Variants in ZNF749 observed in about 807,000 individuals in gnomAD.
ZNF749 encodes the protein zinc finger protein 749.
A neutral mutation model predicts 7.3 loss-of-function variants in ZNF749; 8 were observed. The ratio of observed to expected loss-of-function variants is 1.10; its 90% CI spans 0.64 to 1.98. The LOEUF (loss-of-function observed/expected upper bound fraction) is 1.98. Among genes scored for constraint, ZNF749 ranks in the 30% most tolerant of loss-of-function variants. ZNF749 has a pLI of 0.00. For missense variants in ZNF749, 898 were observed against 932.4 expected, an observed-to-expected ratio of 0.96 and a Z score of 0.48; for synonymous variants, 310 against 322.4, an observed-to-expected ratio of 0.96 and a Z score of 0.41.
chr19:57,437,054 AATAAG>A (rs940481479), intron 1 of ZNF749, among the ~76,000 whole-genome samples: 10 of 152,322 alleles, frequency 6.6e-5, no homozygotes, highest in South Asian at 6.2e-4. Context: ...CTTATGTTAA[AATAAG>A]ATAAGTTTTT....
upstream of ZNF749, among the ~76,000 whole-genome samples, chr19:57,432,433 G>A (rs962781948): frequency 6.6e-6 from 1 of 151,380 alleles, no homozygotes; most frequent in Non-Finnish European, 1.5e-5. Context: ...GTGGTGGCAC[G>A]AGCCTGTAGT....
rs1416170250 is a variant in ZNF749, at chr19:57,447,017, AT to A, written c.*1534del. On this transcript the variant is annotated 3_prime_UTR_variant, in exon 3 of 3. Transcript: ENST00000334181. ...AAGCTCTAGGACATTACTGTACCCT[AT>A]TGTAGATGTTATAAACATTGTACAC... 6.6e-6 allele frequency among the ~76,000 whole-genome samples: 1 copy of A among 152,198 alleles called. No homozygotes were observed. The highest frequency in any genetic ancestry group is 1.5e-5 in the Non-Finnish European group (1 of 68,036).
chr19:57,435,392 G>A lies in ZNF749; in HGVS notation c.-187G>A. On this transcript the variant is annotated 5_prime_UTR_variant, in exon 1 of 3. Coordinates refer to ENST00000334181, the MANE Select transcript of ZNF749 (RefSeq NM_001023561.4). ...AGGGATCTGTTCACTGATTTAGAGG[G>A]TCCCAGAGCTCTGGGTCGGGACTGA... 2.4e-6 allele frequency: 2 copies of A among 824,348 alleles called. No individual in the cohort carries two copies. The highest frequency in any genetic ancestry group is 3.2e-5 in the South Asian group (2 of 62,444). 51.1% of individuals were successfully genotyped at this position (824,348 alleles called of 1,614,324 possible).
At chr19:57,441,694 G>C (rs578061043) in intron 1 of ZNF749, among the ~76,000 whole-genome samples, 191 bp from the exon 2 acceptor site, 1 of 152,300 alleles carries the variant, frequency 6.6e-6, no homozygotes, top group South Asian at 2.1e-4. Context: ...TGTTGATTAG[G>C]ACAGGAGAAA....
intron 1 of ZNF749, chr19:57,438,512 G>A (rs113270230): frequency 0.023 from 3,622 of 160,774 alleles, 53 homozygotes; most frequent in African/African-American, 0.049. Context: ...ATTCAGTCTC[G>A]TAATGATGGT....
At chr19:57,432,594 G>GT (rs1358966634), upstream of ZNF749, among the ~76,000 whole-genome samples, 98 of 142,816 alleles carry the variant, frequency 6.9e-4, 1 homozygote, top group African/African-American at 2.2e-3. Flanking sequence ...AGGTGGGGGG[G>GT]ACTAAACAGA....
At chr19:57,429,984 C>T in the ZNF749 span, among the ~76,000 whole-genome samples, 3 of 152,074 alleles carry the variant, frequency 2.0e-5, no homozygotes, top group Non-Finnish European at 4.4e-5. The surrounding 1 kb of genome is among the most constrained non-coding windows in gnomAD (Gnocchi z 4.2). Context: ...AATTTCCTAG[C>T]CTTTTTGACC....
rs1182514375 is a variant in ZNF749 at position 57,443,574 on chromosome 19, C to T, written c.426C>T (p.Asn142=). The change falls in exon 3 of 3, where the codon AAC becomes AAT. Residue 142 remains asparagine, a synonymous_variant. Transcript: ENST00000334181. ...RSDEWRPSFV[N]HSAHVGERNF... is the part of the protein sequence containing the mutation. ...ATGAGTGGAGGCCTTCATTTGTGAA[C>T]CACAGTGCTCACGTGGGAGAGAGGA... is the stretch of plus-strand genomic sequence containing the variant. 1 of 1,614,200 alleles carries T rather than the reference C, an allele frequency of 6.2e-7. No individual in the cohort carries two copies. The highest frequency in any genetic ancestry group is 1.1e-5 in the South Asian group (1 of 91,092).
At position 57,442,805 on chromosome 19, in the gene ZNF749, T is replaced by C. The variant is rs1465006000; in HGVS notation, c.143-486T>C. Among the ~76,000 whole-genome samples, 2 of 152,192 alleles carry C rather than the reference T, an allele frequency of 1.3e-5. No homozygotes were observed. Among genetic ancestry groups the C allele is most frequent in the Non-Finnish European group, 2.9e-5 (2 of 68,038 alleles). On this transcript the variant is annotated intron_variant, in intron 2 of 2. Transcript: ENST00000334181. This position sits in a 1 kb window ranked among gnomAD's most constrained non-coding sequence, Gnocchi z 6.6. Reference sequence around the variant, plus strand: ...TTTCCTTCCCTGTTGTTATTTTTACTCTGACTTCTGACCCCTGGCTTCCAC... The same window carrying C: ...TTTCCTTCCCTGTTGTTATTTTTACCCTGACTTCTGACCCCTGGCTTCCAC...
intron 2 of ZNF749, 60 bp from the exon 3 acceptor site, chr19:57,443,231 T>A: frequency 4.9e-6 from 7 of 1,431,404 alleles, no homozygotes; most frequent in Non-Finnish European, 6.7e-6. Context: ...ACATTTGTGA[T>A]GGGGCTGTCT....
chr19:57,430,844 A>G (rs185757991), upstream of ZNF749, among the ~76,000 whole-genome samples: 224 of 152,208 alleles, frequency 1.5e-3, no homozygotes, highest in African/African-American at 4.5e-3. Context: ...GATTGAGACC[A>G]TCCTGGCCAA....
At chr19:57,437,883 C>T (rs2088950776) in intron 1 of ZNF749, 1 of 392,848 alleles carries the variant, frequency 2.5e-6, no homozygotes, top group African/African-American at 2.1e-5. Flanking sequence ...GAAGTGGGAA[C>T]CCTTTTAATC....
In ZNF749 at chr19:57,443,636, C is replaced by T; in HGVS notation, c.488C>T (p.Ala163Val). 1 of 1,614,208 alleles carries T rather than the reference C, an allele frequency of 6.2e-7. No homozygotes were observed. The highest frequency in any genetic ancestry group is 1.1e-5 in the South Asian group (1 of 91,088). The change falls in exon 3 of 3, where the codon GCC becomes GTC. Residue 163 changes from alanine to valine, a missense_variant. By Grantham distance (64) the Ala-to-Val change is moderately conservative (BLOSUM62 0). Coordinates refer to ENST00000334181, the MANE Select transcript of ZNF749 (RefSeq NM_001023561.4). ...ACGCAGGGTGGCAAGGATTTTACTGCCAGCTCAGACCTTCTCCAGCAACAG... is the reference window on the plus strand; with the variant it reads ...ACGCAGGGTGGCAAGGATTTTACTGTCAGCTCAGACCTTCTCCAGCAACAG... ...TCTQGGKDFTASSDLLQQQVL... is the reference protein window; with the variant it reads ...TCTQGGKDFTVSSDLLQQQVL...
At position 57,442,372 on chromosome 19, in the gene ZNF749, C is replaced by T. The variant is rs2089000315; in HGVS notation, c.142+361C>T. On this transcript the variant is annotated intron_variant, in intron 2 of 2. Coordinates refer to ENST00000334181, the MANE Select transcript of ZNF749 (RefSeq NM_001023561.4). The surrounding 1 kb of genome is among the most constrained non-coding windows in gnomAD (Gnocchi z 6.6). Reference sequence around the variant, plus strand: ...TTCCCCTTGCTGACATACTTGGAGACAGTGTCTGTGCTAGGAATTTCAGGC... The same window carrying T: ...TTCCCCTTGCTGACATACTTGGAGATAGTGTCTGTGCTAGGAATTTCAGGC... Among the ~76,000 whole-genome samples, 1 of 152,196 alleles carries T rather than the reference C, an allele frequency of 6.6e-6. No individual in the cohort carries two copies. Among genetic ancestry groups the T allele is most frequent in the Non-Finnish European group, 1.5e-5 (1 of 68,030 alleles).
Position 57,443,345 on chromosome 19 carries a change from T to C in ZNF749, c.197T>C (p.Val66Ala). Residue 66 changes from valine to alanine, a missense_variant, in exon 3 of 3, where the codon GTA becomes GCA. By Grantham distance (64) the Val-to-Ala change is moderately conservative (BLOSUM62 0). Transcript: ENST00000334181. ...EEVPSKQCVSVRVLQVTIPKP... is the reference protein window; with the variant it reads ...EEVPSKQCVSARVLQVTIPKP... Reference sequence around the variant, plus strand: ...GTACCTTCCAAGCAGTGTGTTTCTGTAAGAGTGTTACAGGTCACAATTCCA... The same window carrying C: ...GTACCTTCCAAGCAGTGTGTTTCTGCAAGAGTGTTACAGGTCACAATTCCA... 1 of 1,614,040 alleles carries C rather than the reference T, an allele frequency of 6.2e-7. No homozygotes were observed. The highest frequency in any genetic ancestry group is 8.5e-7 in the Non-Finnish European group (1 of 1,179,920).
At position 57,445,872 on chromosome 19, in the gene ZNF749, G is replaced by T. The variant is rs2089059899; in HGVS notation, c.*387G>T. 6.6e-6 allele frequency among the ~76,000 whole-genome samples: 1 copy of T among 152,204 alleles called. No homozygotes were observed. The highest frequency in any genetic ancestry group is 1.5e-5 in the Non-Finnish European group (1 of 68,030). ...TTGAACCTGGGAGGCGGAGGTTGCA[G>T]TGAACTGAGATTGTTCCATTGCACT... On this transcript the variant is annotated 3_prime_UTR_variant, in exon 3 of 3. Coordinates refer to ENST00000334181, the MANE Select transcript of ZNF749 (RefSeq NM_001023561.4).
chr19:57,443,068 G>T (rs1000263083), intron 2 of ZNF749, among the ~76,000 whole-genome samples: 1 of 152,182 alleles, frequency 6.6e-6, no homozygotes, highest in Non-Finnish European at 1.5e-5. Context: ...TGCCCTCCCT[G>T]CATGGTACTT....
intron 1 of ZNF749, chr19:57,438,448 C>T (rs976655358): frequency 1.4e-5 from 3 of 213,758 alleles, no homozygotes; most frequent in African/African-American, 4.6e-5. Context: ...AGTTCGCCTT[C>T]TTTAAAACAG....
Position 57,443,956 on chromosome 19 carries a change from CA to C in ZNF749, c.809del (p.His270ProfsTer160), listed in dbSNP as rs773744063. ...TATTAGAAAGTCCAACCTAGTTCAG[CA>C]CCAGAAAATTCACAGTGAAGGCTTT... ...TFIRKSNLVQ[H>X]QKIHSEGFLS... On this transcript the variant is annotated frameshift_variant, in exon 3 of 3. Coordinates refer to ENST00000334181, the MANE Select transcript of ZNF749 (RefSeq NM_001023561.4). LOFTEE classifies it low-confidence loss of function (END_TRUNC). 3.7e-6 allele frequency: 6 copies of C among 1,613,744 alleles called. No individual in the cohort carries two copies. The highest frequency in any genetic ancestry group is 1.6e-4 in the Middle Eastern group (1 of 6,084).
Sources: gnomAD v4.1 joint callset for allele counts (sites outside exome capture counted in the v4.1 genomes callset) on GRCh38, gnomAD v4.1.1 for gene constraint, Gnocchi (gnomAD v3.1) non-coding constraint, MANE v1.5 for transcripts, NCBI Gene and HGNC (gene_info 2026-07-23, HGNC 2026-07-21) for gene names.